Variants in ADCK1 observed in about 807,000 individuals in gnomAD.
ADCK1 encodes the protein aarF domain-containing protein kinase 1.
A neutral mutation model predicts 52.3 loss-of-function variants in ADCK1; 41 were observed. The observed-to-expected ratio is 0.78, with a 90% CI of 0.61 to 1.02. The LOEUF is 1.02. Ranked by LOEUF, ADCK1 falls within the 50% of genes least tolerant of loss-of-function variation. The pLI is 0.00. For synonymous variants in ADCK1, 250 were observed against 274.6 expected (o/e 0.91, Z 0.89); for missense variants, 658 against 679.5 (o/e 0.97, Z 0.35).
intron 3 of ADCK1, among the ~76,000 whole-genome samples, chr14:77,852,931 T>A (rs1384135350): frequency 1.1e-5 from 1 of 88,490 alleles, no homozygotes; most frequent in Non-Finnish European, 2.3e-5. Flanking sequence ...TTTTTTTTTT[T>A]AGAGACAGGG....
chr14:77,809,864 T>C (rs2081301948), intron 1 of ADCK1, among the ~76,000 whole-genome samples: 1 of 150,732 alleles, frequency 6.6e-6, no homozygotes, highest in East Asian at 2.0e-4. Flanking sequence ...GTGAAACCTC[T>C]TCTCTAATAA....
intron 1 of ADCK1, among the ~76,000 whole-genome samples, chr14:77,801,971 C>T (rs1425756442): frequency 6.6e-6 from 1 of 151,970 alleles, no homozygotes; most frequent in South Asian, 2.1e-4. Flanking sequence ...GTCAGCCATC[C>T]ATTTCTTCAC....
chr14:77,820,379 G>A (rs1315878503), intron 2 of ADCK1, among the ~76,000 whole-genome samples: 2 of 151,638 alleles, frequency 1.3e-5, no homozygotes, highest in African/African-American at 4.8e-5. Context: ...TGTCCAGGCT[G>A]GGATGCAGTG....
At chr14:77,807,396 G>C (rs2081252202) in intron 1 of ADCK1, among the ~76,000 whole-genome samples, 1 of 150,990 alleles carries the variant, frequency 6.6e-6, no homozygotes, top group Non-Finnish European at 1.5e-5. Context: ...CTGTTGCCCA[G>C]GTTGGTGTGA....
Position 77,807,038 on chromosome 14 carries a change from C to A in ADCK1, c.-12+6868C>A, listed in dbSNP as rs796411212. 5.0e-5 allele frequency among the ~76,000 whole-genome samples: 5 copies of A among 99,242 alleles called. No individual in the cohort carries two copies. The Admixed American group carries it at 5.8e-4, about 11-fold the overall frequency. The allele number at this position is 99,242 out of a possible 152,430, so 65.1% of individuals were successfully genotyped here. On this transcript the variant is annotated intron_variant, in intron 1 of 10. Coordinates refer to ENST00000238561, the MANE Select transcript of ADCK1 (RefSeq NM_020421.4). ...CCTAAGATAGCCACTCTCTCTCTCT[C>A]TTTTTTTTTTTTTTTTTGGAGACAG...
intron 7 of ADCK1, 88 bp downstream of exon 7, chr14:77,908,007 C>A: frequency 2.8e-6 from 3 of 1,074,350 alleles, no homozygotes; most frequent in Non-Finnish European, 4.2e-6. Context: ...CAGGTGAGGC[C>A]TCAGAGTCTG....
chr14:77,857,636 A>T (rs946569154), intron 3 of ADCK1, among the ~76,000 whole-genome samples: 1 of 152,196 alleles, frequency 6.6e-6, no homozygotes, highest in Non-Finnish European at 1.5e-5. Flanking sequence ...AAACAAAAAA[A>T]CTTCTTAATT....
intron 4 of ADCK1, among the ~76,000 whole-genome samples, chr14:77,871,626 C>T (rs897187984): frequency 5.3e-5 from 8 of 152,022 alleles, no homozygotes; most frequent in African/African-American, 1.7e-4. Context: ...CCAAAGTGCC[C>T]GGCCCTAACT....
At chr14:77,899,052 T>C in intron 5 of ADCK1, 48 bp from the exon 6 acceptor site, 1 of 1,608,968 alleles carries the variant, frequency 6.2e-7, no homozygotes, top group East Asian at 2.2e-5. Flanking sequence ...GGAATGTCCC[T>C]TGGTATATGC....
chr14:77,899,547 G>A (rs79555281), intron 6 of ADCK1, among the ~76,000 whole-genome samples: 317 of 152,332 alleles, frequency 2.1e-3, no homozygotes, highest in Non-Finnish European at 3.3e-3. Context: ...ATATGCCGTG[G>A]TCTCTGCCTC....
chr14:77,896,773 A>G (rs1595045618), intron 5 of ADCK1, among the ~76,000 whole-genome samples: 1 of 152,204 alleles, frequency 6.6e-6, no homozygotes. Context: ...AACTAAATCA[A>G]TTATCATAAG....
intron 7 of ADCK1, chr14:77,924,193 C>T (rs2084128246): frequency 2.4e-6 from 1 of 418,224 alleles, no homozygotes; most frequent in African/African-American, 2.0e-5. Flanking sequence ...TACCTAATCC[C>T]ATGTTCACGT....
chr14:77,852,346 TC>T (rs2082300854), intron 3 of ADCK1, among the ~76,000 whole-genome samples: 2 of 152,096 alleles, frequency 1.3e-5, no homozygotes, highest in African/African-American at 4.8e-5. Flanking sequence ...CCTACAGTTT[TC>T]CTACATCTGC....
At chr14:77,884,324 G>T (rs2083100714) in intron 4 of ADCK1, among the ~76,000 whole-genome samples, 1 of 152,308 alleles carries the variant, frequency 6.6e-6, no homozygotes, top group South Asian at 2.1e-4. Context: ...ACTCCAGAGG[G>T]CTTGCAAAGG....
intron 5 of ADCK1, among the ~76,000 whole-genome samples, chr14:77,888,204 G>A (rs775773661): frequency 1.5e-4 from 23 of 152,116 alleles, no homozygotes; most frequent in East Asian, 5.8e-4. Flanking sequence ...GCCAGGCAGC[G>A]GAAGGACAGC....
At chr14:77,895,708 A>G (rs2083393839) in intron 5 of ADCK1, among the ~76,000 whole-genome samples, 1 of 152,226 alleles carries the variant, frequency 6.6e-6, no homozygotes, top group Non-Finnish European at 1.5e-5. Context: ...TTCTTCAGCC[A>G]AGAAAAGTCT....
chr14:77,931,731 T>C lies in ADCK1; in HGVS notation c.1400+20T>C, dbSNP rs1213961956. 1 of 1,592,946 alleles carries C rather than the reference T, an allele frequency of 6.3e-7. No homozygotes were observed. The highest frequency in any genetic ancestry group is 1.3e-5 in the African/African-American group (1 of 74,794). ...AGCTGAGTGAGTGTGGGCTCCTCCC[T>C]CTCCTCCCCTCCTAGCCCCCTGGCC... On this transcript the variant is annotated intron_variant, in intron 10 of 10. Transcript: ENST00000238561.
chr14:77,849,056 C>T (rs1180596188), intron 3 of ADCK1, among the ~76,000 whole-genome samples: 3 of 152,124 alleles, frequency 2.0e-5, no homozygotes, highest in African/African-American at 7.2e-5. Context: ...TCTCCATCTC[C>T]TGACCTCGTG....
intron 4 of ADCK1, among the ~76,000 whole-genome samples, chr14:77,862,502 G>C (rs186932495): frequency 6.6e-5 from 10 of 152,298 alleles, no homozygotes; most frequent in African/African-American, 2.4e-4. Flanking sequence ...GGCATGGTTC[G>C]TGCTGTTGAA....
Sources: gnomAD v4.1 joint callset for allele counts (sites outside exome capture counted in the v4.1 genomes callset) on GRCh38, gnomAD v4.1.1 for gene constraint, MANE v1.5 for transcripts, NCBI Gene and HGNC (gene_info 2026-07-23, HGNC 2026-07-21) for gene names.